The following POLN variants were observed in gnomAD, a reference collection of about 807,000 sequenced individuals.
POLN encodes the protein DNA polymerase N.
A neutral mutation model predicts 113.5 loss-of-function variants in POLN; 108 were observed. That is an observed-to-expected ratio of 0.95 (90% confidence interval 0.81 to 1.12). POLN has a LOEUF of 1.12. POLN is among the 50% of genes most tolerant of loss of function. The pLI, the probability that POLN is intolerant of heterozygous loss-of-function variation, is 0.00. For synonymous variants in POLN, 386 were observed against 391.5 expected (o/e 0.99, Z 0.17); for missense variants, 1,097 against 1,077.1 (o/e 1.02, Z -0.26).
chr4:2,169,839 C>A (rs1732816401), intron 13 of POLN, among the ~76,000 whole-genome samples: 1 of 152,170 alleles, frequency 6.6e-6, no homozygotes, highest in South Asian at 2.1e-4. Flanking sequence ...TGGAAGAGGG[C>A]AGTTTCAAGT....
intron 2 of POLN, chr4:2,238,505 G>A: frequency 1.5e-6 from 1 of 672,792 alleles, no homozygotes; most frequent in Middle Eastern, 4.6e-4. Flanking sequence ...GAAATGCAAA[G>A]AATTGTTAAA....
At chr4:2,170,621 C>T in intron 13 of POLN, 58 bp downstream of exon 13, 2 of 1,432,804 alleles carry the variant, frequency 1.4e-6, no homozygotes, top group African/African-American at 1.4e-5. Flanking sequence ...GGTCAGCACA[C>T]ATGTGGTGCA....
intron 17 of POLN, among the ~76,000 whole-genome samples, chr4:2,130,790 C>T (rs1041499343): frequency 1.3e-5 from 2 of 152,134 alleles, no homozygotes; most frequent in East Asian, 1.9e-4. Context: ...TTCATTCTTT[C>T]AATGTATGTT....
intron 13 of POLN, among the ~76,000 whole-genome samples, chr4:2,169,819 G>A (rs1190667402): frequency 6.6e-6 from 1 of 152,214 alleles, no homozygotes; most frequent in Non-Finnish European, 1.5e-5. Context: ...GCTTGAAGAA[G>A]AAGAGGATTT....
intron 5 of POLN, among the ~76,000 whole-genome samples, chr4:2,207,334 G>A (rs13118606): frequency 0.018 from 2,595 of 144,406 alleles, 44 homozygotes; most frequent in Non-Finnish European, 0.025. Flanking sequence ...GGAAAGTAGA[G>A]GAAAGGAAAG....
At chr4:2,190,878 C>T (rs1678681445) in intron 7 of POLN, among the ~76,000 whole-genome samples, 2 of 152,152 alleles carry the variant, frequency 1.3e-5, no homozygotes, top group East Asian at 1.9e-4. Flanking sequence ...ATAACAGATA[C>T]TGGTGAGGAT....
chr4:2,155,753 T>G (rs1034574878), intron 16 of POLN, among the ~76,000 whole-genome samples: 3 of 152,080 alleles, frequency 2.0e-5, no homozygotes, highest in Non-Finnish European at 4.4e-5. Flanking sequence ...TAGATTCAAA[T>G]CAATATTAAT....
chr4:2,234,217 T>C (rs1172670341), intron 2 of POLN: 2 of 152,206 alleles, frequency 1.3e-5, no homozygotes, highest in South Asian at 2.1e-4. Flanking sequence ...AACAAAACTA[T>C]GGTCTTTGCT....
intron 16 of POLN, among the ~76,000 whole-genome samples, chr4:2,134,414 G>A (rs1012394270): frequency 6.6e-6 from 1 of 152,184 alleles, no homozygotes; most frequent in Non-Finnish European, 1.5e-5. Context: ...ATTTAGTTTT[G>A]AAAGAAACTG....
At chr4:2,148,370 T>TA (rs1267989954) in intron 16 of POLN, among the ~76,000 whole-genome samples, 4 of 152,004 alleles carry the variant, frequency 2.6e-5, no homozygotes, top group African/African-American at 9.7e-5. Flanking sequence ...AGGAGGCCCA[T>TA]AAAAAGTATG....
intron 13 of POLN, among the ~76,000 whole-genome samples, chr4:2,166,365 G>A (rs1442830388): frequency 6.6e-6 from 1 of 152,148 alleles, no homozygotes; most frequent in Non-Finnish European, 1.5e-5. Context: ...ACTCCTTAGC[G>A]TTCTCTCTGG....
At chr4:2,214,216 A>G (rs1734059937) in intron 3 of POLN, among the ~76,000 whole-genome samples, 1 of 152,150 alleles carries the variant, frequency 6.6e-6, no homozygotes, top group Non-Finnish European at 1.5e-5. Context: ...AGCCTGGGTT[A>G]CAGGGCAAGA....
rs187031031 is a variant in POLN, at chr4:2,085,869, G to A, written c.2066-125C>T. 7.9e-4 allele frequency: 1,053 copies of A among 1,328,198 alleles called. 3 individuals are homozygous for A. The highest frequency in any genetic ancestry group is 4.9e-3 in the Middle Eastern group (18 of 3,708). The allele number at this position is 1,328,198 out of a possible 1,614,324, so 82.3% of individuals were successfully genotyped here. A position where few individuals can be genotyped will look rare whatever the true frequency, so the allele number is the denominator to read the frequency against. The stretch of plus-strand genomic sequence containing the variant: ...TCTGATGGGTTGGGATGGAGTTGGC[G>A]TTGACTTTACAAGCCAGGTGCTAGG... On this transcript the variant is annotated intron_variant, in intron 20 of 25. Transcript: ENST00000511885.
At chr4:2,188,494 G>A (rs7669345) in intron 7 of POLN, among the ~76,000 whole-genome samples, 5 of 151,696 alleles carry the variant, frequency 3.3e-5, no homozygotes, top group Non-Finnish European at 7.4e-5. Flanking sequence ...CCAGCTACTC[G>A]GGAGGCTGAG....
At chr4:2,099,309 C>T (rs963451402) in intron 19 of POLN, among the ~76,000 whole-genome samples, 2 of 152,190 alleles carry the variant, frequency 1.3e-5, no homozygotes, top group Non-Finnish European at 2.9e-5. Flanking sequence ...CTGACAAATA[C>T]GCTGTCACCC....
At chr4:2,174,611 G>A in intron 10 of POLN, 80 bp downstream of exon 10, 1 of 1,173,946 alleles carries the variant, frequency 8.5e-7, no homozygotes, top group Non-Finnish European at 1.3e-6. Context: ...TCCTAAGTAA[G>A]GTATGGAGAA....
At chr4:2,141,907 A>C (rs1242362617) in intron 16 of POLN, among the ~76,000 whole-genome samples, 3 of 152,098 alleles carry the variant, frequency 2.0e-5, no homozygotes, top group Admixed American at 6.5e-5. Flanking sequence ...CCACGCTCTG[A>C]GTTTCTAACC....
chr4:2,226,817 A>G (rs1274378311), intron 3 of POLN, among the ~76,000 whole-genome samples: 1 of 152,252 alleles, frequency 6.6e-6, no homozygotes, highest in Admixed American at 6.5e-5. Context: ...AAATAGGCTC[A>G]TGGAAATAAA....
At chr4:2,138,744 A>G (rs1034053327) in intron 16 of POLN, among the ~76,000 whole-genome samples, 1 of 152,114 alleles carries the variant, frequency 6.6e-6, no homozygotes, top group Non-Finnish European at 1.5e-5. Flanking sequence ...TCTAGTAAAA[A>G]TACAAAAATT....
Sources: gnomAD v4.1 joint callset for allele counts (sites outside exome capture counted in the v4.1 genomes callset) on GRCh38, gnomAD v4.1.1 for gene constraint, MANE v1.5 for transcripts, NCBI Gene and HGNC (gene_info 2026-07-23, HGNC 2026-07-21) for gene names.